PTPRD: variants seen among roughly 807,000 people sequenced by gnomAD.
PTPRD encodes protein tyrosine phosphatase receptor type D, also known as receptor-type tyrosine-protein phosphatase delta.
Under a neutral mutation model 214.5 loss-of-function variants are expected in PTPRD, and 34 were observed. The observed-to-expected ratio is 0.16, with a 90% CI of 0.12 to 0.21. The LOEUF is 0.21. Ranked by LOEUF, PTPRD falls within the 10% of genes least tolerant of loss-of-function variation. The pLI is 1.00. For synonymous variants in PTPRD, 1,128 were observed against 845.7 expected (o/e 1.33, Z -5.79); for missense variants, 2,545 against 2,398.7 (o/e 1.06, Z -1.27).
At chr9:9,050,999 C>T (rs1000540289) in intron 10 of PTPRD, among the ~76,000 whole-genome samples, 13 of 152,192 alleles carry the variant, frequency 8.5e-5, no homozygotes, top group South Asian at 6.2e-4. Flanking sequence ...AGATCAATTA[C>T]GTATAGTTAA....
chr9:9,777,807 T>C (rs2154487098), intron 5 of PTPRD, among the ~76,000 whole-genome samples: 1 of 152,290 alleles, frequency 6.6e-6, no homozygotes, highest in South Asian at 2.1e-4. Flanking sequence ...TTATAATCAG[T>C]AAAATGCATA....
intron 27 of PTPRD, among the ~76,000 whole-genome samples, chr9:8,489,690 G>C (rs775092907): frequency 9.2e-5 from 14 of 152,080 alleles, no homozygotes; most frequent in Non-Finnish European, 1.9e-4. Flanking sequence ...GGACAGTTGT[G>C]GTATTTTATC....
intron 7 of PTPRD, among the ~76,000 whole-genome samples, chr9:9,618,103 A>G (rs1048886574): frequency 1.7e-4 from 24 of 143,994 alleles, no homozygotes; most frequent in Admixed American, 2.8e-4. Flanking sequence ...AAAAAAAAAA[A>G]AGATTTTGTC....
chr9:9,305,409 G>T (rs149978285), intron 9 of PTPRD, among the ~76,000 whole-genome samples: 2 of 151,926 alleles, frequency 1.3e-5, no homozygotes, highest in Non-Finnish European at 2.9e-5. Context: ...CACTGTATAA[G>T]GTCTTAATTG....
intron 10 of PTPRD, among the ~76,000 whole-genome samples, chr9:9,168,642 CT>C (rs2099908668): frequency 6.6e-6 from 1 of 151,984 alleles, no homozygotes; most frequent in Non-Finnish European, 1.5e-5. Context: ...GACTATTTAT[CT>C]TGTTTTGAGA....
intron 2 of PTPRD, among the ~76,000 whole-genome samples, chr9:10,372,853 T>TTATTATTAA (rs2097654540): frequency 4.0e-5 from 6 of 149,314 alleles, no homozygotes; most frequent in African/African-American, 2.4e-5. Flanking sequence ...ATTATTATTA[T>TTATTATTAA]TAATTATTAT....
In PTPRD at chr9:9,926,059, G is replaced by C. The variant is rs1275605112; in HGVS notation, c.-368+12448C>G. Among the ~76,000 whole-genome samples, 4 of 152,048 alleles carry C rather than the reference G, an allele frequency of 2.6e-5. No individual in the cohort carries two copies. In the East Asian group the frequency reaches 7.8e-4, roughly 30 times the overall value. ...TTGCCCAGGCTGGTCTAGACTCCCAGGCTCAAGCGATCCTCCTGCTTCATC... is the reference window on the plus strand; with the variant it reads ...TTGCCCAGGCTGGTCTAGACTCCCACGCTCAAGCGATCCTCCTGCTTCATC... On this transcript the variant is annotated intron_variant, in intron 5 of 45. Coordinates refer to ENST00000381196, the MANE Select transcript of PTPRD (RefSeq NM_002839.4).
chr9:9,302,036 T>C (rs1955512934), intron 9 of PTPRD, among the ~76,000 whole-genome samples: 1 of 151,950 alleles, frequency 6.6e-6, no homozygotes, highest in Non-Finnish European at 1.5e-5. Flanking sequence ...TTTAGCAAAT[T>C]GATAAATTAT....
chr9:9,218,686 G>C (rs997026041), intron 9 of PTPRD, among the ~76,000 whole-genome samples: 1 of 152,062 alleles, frequency 6.6e-6, no homozygotes, highest in Non-Finnish European at 1.5e-5. Flanking sequence ...GGTAAGACTG[G>C]TGAGCACTGC....
intron 11 of PTPRD, among the ~76,000 whole-genome samples, chr9:8,736,229 T>C (rs2090340098): frequency 1.3e-5 from 2 of 152,286 alleles, no homozygotes; most frequent in South Asian, 4.2e-4. Context: ...TGAAGTATAA[T>C]TCTTCACGTG....
At chr9:8,572,410 G>C (rs983084144) in intron 14 of PTPRD, among the ~76,000 whole-genome samples, 8 of 151,968 alleles carry the variant, frequency 5.3e-5, no homozygotes, top group African/African-American at 1.7e-4. Context: ...GCAGTGACAA[G>C]ACTTTCTGAC....
chr9:8,862,942 G>A (rs148230760), intron 11 of PTPRD, among the ~76,000 whole-genome samples: 6,322 of 152,152 alleles, frequency 0.042, 321 homozygotes, highest in African/African-American at 0.11. Flanking sequence ...GGGAGGGAGA[G>A]CATCGGGAGA....
At chr9:10,391,422 G>A (rs73404262) in intron 2 of PTPRD, among the ~76,000 whole-genome samples, 6,247 of 151,772 alleles carry the variant, frequency 0.041, 418 homozygotes, top group African/African-American at 0.14. Context: ...ATAGCCTGTT[G>A]AGCATGGTCT....
intron 8 of PTPRD, among the ~76,000 whole-genome samples, chr9:9,559,114 C>T (rs1425200045): frequency 1.2e-4 from 19 of 152,130 alleles, no homozygotes; most frequent in Non-Finnish European, 2.8e-4. Context: ...TGTCCTGCCA[C>T]ACTCTTATGA....
intron 6 of PTPRD, among the ~76,000 whole-genome samples, chr9:9,761,032 T>C (rs1412489416): frequency 6.6e-6 from 1 of 152,150 alleles, no homozygotes; most frequent in Non-Finnish European, 1.5e-5. Flanking sequence ...CCATACAATC[T>C]AGCAACTGTA....
chr9:10,031,975 A>C (rs1335677213), intron 4 of PTPRD, among the ~76,000 whole-genome samples: 1 of 152,084 alleles, frequency 6.6e-6, no homozygotes, highest in African/African-American at 2.4e-5. Flanking sequence ...CTTTCATATT[A>C]AAGATTTAAT....
chr9:9,727,042 C>T (rs1312702291), intron 7 of PTPRD, among the ~76,000 whole-genome samples: 5 of 152,134 alleles, frequency 3.3e-5, no homozygotes, highest in Admixed American at 3.3e-4. Flanking sequence ...AGAAGAGCTG[C>T]TTGATTTAGG....
chr9:8,733,194 T>C (rs2098679008), intron 12 of PTPRD, among the ~76,000 whole-genome samples: 1 of 152,140 alleles, frequency 6.6e-6, no homozygotes, highest in Non-Finnish European at 1.5e-5. Flanking sequence ...CAAGCTTTGG[T>C]GTCTCTAGTC....
intron 12 of PTPRD, among the ~76,000 whole-genome samples, chr9:8,672,848 G>T (rs1413516619): frequency 1.4e-5 from 2 of 144,984 alleles, no homozygotes; most frequent in African/African-American, 2.5e-5. Flanking sequence ...ACTCTGTGTG[G>T]GGGGGGTGGG....
Sources: gnomAD v4.1 joint callset for allele counts (sites outside exome capture counted in the v4.1 genomes callset) on GRCh38, gnomAD v4.1.1 for gene constraint, MANE v1.5 for transcripts, NCBI Gene and HGNC (gene_info 2026-07-23, HGNC 2026-07-21) for gene names.